The following PDE3A variants were observed in gnomAD, a reference collection of about 807,000 sequenced individuals.
The protein encoded by PDE3A is cGMP-inhibited 3',5'-cyclic phosphodiesterase 3A.
Under a neutral mutation model 98.3 loss-of-function variants are expected in PDE3A, and 43 were observed. The observed-to-expected ratio is 0.44, with a 90% CI of 0.34 to 0.56. The LOEUF (loss-of-function observed/expected upper bound fraction) is 0.56, where lower values mean the gene tolerates loss of function less well. Among genes scored for constraint, PDE3A ranks in the 20% least tolerant of loss-of-function variants. PDE3A has a pLI of 0.01. For synonymous variants in PDE3A, 663 were observed against 567.9 expected (o/e 1.17, Z -2.38); for missense variants, 1,427 against 1,440.7 (o/e 0.99, Z 0.15).
At chr12:20,657,877 C>G (rs1945078873) in intron 15 of PDE3A, among the ~76,000 whole-genome samples, 1 of 152,162 alleles carries the variant, frequency 6.6e-6, no homozygotes, top group South Asian at 2.1e-4. Context: ...TTAGCTTCTT[C>G]CCTATGAATG....
chr12:20,534,961 A>G (rs1328164216), intron 1 of PDE3A, among the ~76,000 whole-genome samples: 1 of 152,190 alleles, frequency 6.6e-6, no homozygotes, highest in Non-Finnish European at 1.5e-5. Context: ...GAGAATAGGT[A>G]TGAACTTTAA....
chr12:20,585,973 T>C (rs1207001523), intron 2 of PDE3A, among the ~76,000 whole-genome samples: 3 of 152,166 alleles, frequency 2.0e-5, no homozygotes, highest in Non-Finnish European at 4.4e-5. Flanking sequence ...GGAGCATGGA[T>C]ATGCACAATC....
At chr12:20,412,461 A>G (rs891036536) in intron 1 of PDE3A, among the ~76,000 whole-genome samples, 5 of 152,148 alleles carry the variant, frequency 3.3e-5, no homozygotes, top group Admixed American at 1.3e-4. Flanking sequence ...GATTTAATCT[A>G]TATTTTGTCT....
chr12:20,373,710 C>G (rs1346960961), intron 1 of PDE3A, among the ~76,000 whole-genome samples: 1 of 152,106 alleles, frequency 6.6e-6, no homozygotes, highest in Non-Finnish European at 1.5e-5. Flanking sequence ...ATTTGTACCA[C>G]TTAATGACAA....
intron 15 of PDE3A, among the ~76,000 whole-genome samples, chr12:20,663,347 C>G (rs1284750723): frequency 2.0e-5 from 3 of 152,184 alleles, no homozygotes. Context: ...AGAAGAGGGC[C>G]ATTGTCCTCC....
At chr12:20,415,126 T>C (rs191568502) in intron 1 of PDE3A, among the ~76,000 whole-genome samples, 186 of 151,112 alleles carry the variant, frequency 1.2e-3, no homozygotes, top group African/African-American at 3.8e-3. Flanking sequence ...CCTTTCTATT[T>C]TTTTCCTTTC....
intron 1 of PDE3A, among the ~76,000 whole-genome samples, chr12:20,441,407 G>A (rs11611929): frequency 0.32 from 48,125 of 151,986 alleles, 8,225 homozygotes; most frequent in Non-Finnish European, 0.38. Context: ...AAAAAAATAT[G>A]GTATTGAAGA....
intron 1 of PDE3A, among the ~76,000 whole-genome samples, chr12:20,430,157 A>C (rs1395931608): frequency 6.6e-6 from 1 of 151,726 alleles, no homozygotes; most frequent in Non-Finnish European, 1.5e-5. Context: ...TAATCAGAGA[A>C]CCTCCTTCAA....
At chr12:20,428,853 C>T (rs751834068) in intron 1 of PDE3A, among the ~76,000 whole-genome samples, 35 of 152,140 alleles carry the variant, frequency 2.3e-4, no homozygotes, top group Non-Finnish European at 4.7e-4. Flanking sequence ...AGCTTTCTAA[C>T]TTTGGTCATC....
chr12:20,564,328 A>AAGAT lies in PDE3A; in HGVS notation c.1011+7621_1011+7624dup, dbSNP rs1165229720. On this transcript the variant is annotated intron_variant, in intron 2 of 15. Coordinates refer to ENST00000359062, the MANE Select transcript of PDE3A (RefSeq NM_000921.5). ...CATAATCTCATTGATAGGTGTATGG[A>AAGAT]AGATAGTAAATAAATATTTAGTGAT... Among the ~76,000 whole-genome samples, 9 of 152,302 alleles carry AAGAT rather than the reference A, an allele frequency of 5.9e-5. No homozygotes were observed. In the East Asian group the frequency reaches 1.3e-3, roughly 23 times the overall value.
intron 2 of PDE3A, among the ~76,000 whole-genome samples, chr12:20,610,958 A>C (rs910894507): frequency 6.6e-6 from 1 of 151,928 alleles, no homozygotes; most frequent in Non-Finnish European, 1.5e-5. Context: ...TAGGATGTAT[A>C]AGTCTAGGGT....
chr12:20,384,752 G>T (rs1014321292), intron 1 of PDE3A, among the ~76,000 whole-genome samples: 1 of 151,764 alleles, frequency 6.6e-6, no homozygotes, highest in Admixed American at 6.6e-5. Context: ...TCATTGTTCA[G>T]CTCCCACTTA....
At chr12:20,430,043 C>CT (rs930189922) in intron 1 of PDE3A, among the ~76,000 whole-genome samples, 9 of 151,906 alleles carry the variant, frequency 5.9e-5, no homozygotes, top group African/African-American at 1.2e-4. Flanking sequence ...TAGTTAAACT[C>CT]TTTTTTTTCC....
chr12:20,620,503 A>G (rs1403809978), intron 4 of PDE3A, among the ~76,000 whole-genome samples: 1 of 152,096 alleles, frequency 6.6e-6, no homozygotes, highest in Non-Finnish European at 1.5e-5. Context: ...AGTTTTAAGC[A>G]ACACATGCAG....
intron 13 of PDE3A, among the ~76,000 whole-genome samples, chr12:20,649,933 A>G (rs1321112809): frequency 7.6e-6 from 1 of 131,668 alleles, no homozygotes; most frequent in Non-Finnish European, 1.7e-5. Flanking sequence ...TCTCAAAAAA[A>G]GAAAAGAGAA....
chr12:20,618,620 G>A (rs1944064245), intron 4 of PDE3A, among the ~76,000 whole-genome samples: 1 of 152,014 alleles, frequency 6.6e-6, no homozygotes, highest in South Asian at 2.1e-4. Flanking sequence ...CAAGTCATTA[G>A]CCTGCCAGAA....
intron 1 of PDE3A, among the ~76,000 whole-genome samples, chr12:20,479,677 C>T (rs889463190): frequency 1.3e-5 from 2 of 152,144 alleles, no homozygotes; most frequent in African/African-American, 4.8e-5. Flanking sequence ...CCTGGGGCAG[C>T]GTGGAAGAAA....
chr12:20,448,438 T>C lies in PDE3A; in HGVS notation c.960+78194T>C, dbSNP rs113985260. ...CCTGGGCAACAAGAGCGAAACTCTG[T>C]CTCCAGGGGGAAATATTAGTGAAGA... On this transcript the variant is annotated intron_variant, in intron 1 of 15. Transcript: ENST00000359062. Among the ~76,000 whole-genome samples, 498 of 152,236 alleles carry C rather than the reference T, an allele frequency of 3.3e-3. 5 individuals are homozygous for C. The highest frequency in any genetic ancestry group is 0.011 in the African/African-American group (447 of 41,538).
chr12:20,545,416 A>C (rs112152901), intron 1 of PDE3A, among the ~76,000 whole-genome samples: 5,460 of 152,080 alleles, frequency 0.036, 139 homozygotes, highest in Middle Eastern at 0.065. Context: ...ACTGGCTGCT[A>C]TATTGAAATG....
Sources: gnomAD v4.1 joint callset for allele counts (sites outside exome capture counted in the v4.1 genomes callset) on GRCh38, gnomAD v4.1.1 for gene constraint, MANE v1.5 for transcripts, NCBI Gene and HGNC (gene_info 2026-07-23, HGNC 2026-07-21) for gene names.